Variants in DIAPH1 observed in about 807,000 individuals in gnomAD.
The protein encoded by DIAPH1 is diaphanous related formin 1.
Under a neutral mutation model 140.7 loss-of-function variants are expected in DIAPH1, and 46 were observed. The observed-to-expected ratio is 0.33, with a 90% CI of 0.26 to 0.42. The LOEUF (loss-of-function observed/expected upper bound fraction) is 0.42, where lower values mean the gene tolerates loss of function less well. Among genes scored for constraint, DIAPH1 ranks in the 10% least tolerant of loss-of-function variants. The pLI, the probability that DIAPH1 is intolerant of heterozygous loss-of-function variation, is 1.00. For missense variants in DIAPH1, 1,310 were observed against 1,558.7 expected, an observed-to-expected ratio of 0.84 and a Z score of 2.69; for synonymous variants, 565 against 551.6, an observed-to-expected ratio of 1.02 and a Z score of -0.34.
intron 11 of DIAPH1, chr5:141,577,891 A>C: frequency 2.0e-6 from 1 of 501,792 alleles, no homozygotes; most frequent in Admixed American, 3.2e-5. Flanking sequence ...AAATATTAAC[A>C]GGTAACTAAA....
intron 8 of DIAPH1, among the ~76,000 whole-genome samples, chr5:141,580,244 A>G (rs1172045987): frequency 1.3e-5 from 2 of 152,204 alleles, no homozygotes; most frequent in African/African-American, 2.4e-5. Flanking sequence ...TTAAGATACT[A>G]TCTTTTGCGG....
chr5:141,614,741 A>G (rs2099902391), intron 1 of DIAPH1, among the ~76,000 whole-genome samples: 3 of 152,188 alleles, frequency 2.0e-5, no homozygotes, highest in Admixed American at 1.3e-4. Flanking sequence ...CTGTCATCTC[A>G]AACATCTCAC....
At chr5:141,530,043 C>T (rs2099887976) in intron 19 of DIAPH1, among the ~76,000 whole-genome samples, 1 of 152,128 alleles carries the variant, frequency 6.6e-6, no homozygotes, top group African/African-American at 2.4e-5. Flanking sequence ...GTGACCGCAC[C>T]ACTGCACTCC....
chr5:141,582,734 T>C (rs977597749), intron 6 of DIAPH1, among the ~76,000 whole-genome samples: 1 of 152,174 alleles, frequency 6.6e-6, no homozygotes, highest in African/African-American at 2.4e-5. Context: ...GTCTTGGCCA[T>C]GTTATTATTT....
chr5:141,571,351 G>A (rs997303037), intron 18 of DIAPH1, 77 bp downstream of exon 18: 1 of 1,269,228 alleles, frequency 7.9e-7, no homozygotes, highest in Non-Finnish European at 1.1e-6. Flanking sequence ...TTTCTAATGA[G>A]AAATTCCTTT....
intron 18 of DIAPH1, chr5:141,560,807 A>G (rs1217311887): frequency 4.4e-6 from 2 of 456,064 alleles, no homozygotes; most frequent in Non-Finnish European, 8.8e-6. Flanking sequence ...AGCAGAACAA[A>G]GAGAACAGAT....
At chr5:141,585,484 A>C (rs1326775215) in intron 3 of DIAPH1, among the ~76,000 whole-genome samples, 2 of 152,142 alleles carry the variant, frequency 1.3e-5, no homozygotes, top group African/African-American at 4.8e-5. Context: ...TTTTTTCAAC[A>C]ATTTTTTTTT....
chr5:141,529,076 C>T lies in DIAPH1; in HGVS notation c.2778+96G>A. ...AGAGAGATTAAGACAGGTTCAAAAA[C>T]AGACAAGCGGCAAGGAGCATATGCC... is the stretch of plus-strand genomic sequence containing the variant. On this transcript the variant is annotated intron_variant, in intron 21 of 27. Transcript: ENST00000389054. 5 of 1,566,122 alleles carry T rather than the reference C, an allele frequency of 3.2e-6. No individual in the cohort carries two copies. In the Admixed American group the frequency reaches 6.7e-5, roughly 21 times the overall value.
At chr5:141,578,657 T>C (rs907566497) in intron 9 of DIAPH1, 32 bp from the exon 10 acceptor site, 2 of 1,499,162 alleles carry the variant, frequency 1.3e-6, no homozygotes, top group Non-Finnish European at 1.9e-6. Flanking sequence ...GCTATGTCAA[T>C]GCTAACTCCT....
At chr5:141,531,248 A>C (rs2099888181) in intron 19 of DIAPH1, among the ~76,000 whole-genome samples, 1 of 152,016 alleles carries the variant, frequency 6.6e-6, no homozygotes, top group African/African-American at 2.4e-5. Context: ...TAAACCTCAA[A>C]GCACCTTCTC....
chr5:141,517,949 C>A (rs988506538), intron 27 of DIAPH1, among the ~76,000 whole-genome samples: 1 of 152,230 alleles, frequency 6.6e-6, no homozygotes, highest in Non-Finnish European at 1.5e-5. Context: ...TGAGACCATG[C>A]CCATCTCATG....
intron 1 of DIAPH1, among the ~76,000 whole-genome samples, chr5:141,593,019 G>C (rs566586322): frequency 6.6e-6 from 1 of 152,164 alleles, no homozygotes; most frequent in Non-Finnish European, 1.5e-5. Flanking sequence ...GAACAAAAGA[G>C]CAACTGCAAA....
chr5:141,539,276 C>CAA (rs113967437), intron 18 of DIAPH1, among the ~76,000 whole-genome samples: 2,129 of 135,408 alleles, frequency 0.016, 51 homozygotes, highest in African/African-American at 0.042. Context: ...GACCATGTGT[C>CAA]AAAAAAAAAA....
chr5:141,560,010 A>C (rs2099893273), intron 18 of DIAPH1, among the ~76,000 whole-genome samples: 1 of 152,178 alleles, frequency 6.6e-6, no homozygotes. Context: ...TCCCATAATG[A>C]TCCGCAATTA....
chr5:141,571,510 A>G (rs753647614), intron 17 of DIAPH1, 74 bp from the exon 18 acceptor site: 4 of 1,333,954 alleles, frequency 3.0e-6, no homozygotes, highest in African/African-American at 1.5e-5. Flanking sequence ...AAGGAATCAC[A>G]TATGGTTCTT....
intron 4 of DIAPH1, 47 bp from the exon 5 acceptor site, chr5:141,583,662 T>C: frequency 6.2e-7 from 1 of 1,610,332 alleles, no homozygotes; most frequent in Non-Finnish European, 8.5e-7. Flanking sequence ...GACCCAGTCA[T>C]AAATTAAGGA....
intron 19 of DIAPH1, 96 bp from the exon 20 acceptor site, chr5:141,529,793 G>T (rs1265396565): frequency 1.8e-6 from 2 of 1,084,724 alleles, no homozygotes; most frequent in Non-Finnish European, 1.4e-6. Context: ...TCCTAACAGG[G>T]CTCTTTTAGG....
At chr5:141,592,517 CAACAAA>C (rs2099898668) in intron 1 of DIAPH1, among the ~76,000 whole-genome samples, 1 of 136,650 alleles carries the variant, frequency 7.3e-6, no homozygotes, top group Non-Finnish European at 1.6e-5. Context: ...ACAACAACAA[CAACAAA>C]AACACAGGAG....
chr5:141,547,358 G>A (rs753503539), intron 18 of DIAPH1, among the ~76,000 whole-genome samples: 6 of 152,066 alleles, frequency 3.9e-5, no homozygotes, highest in South Asian at 2.1e-4. Flanking sequence ...CCAGCTACTC[G>A]GGAGGCTGAG....
Sources: allele counts gnomAD v4.1 joint callset (sites outside exome capture counted in the v4.1 genomes callset), GRCh38; gene constraint gnomAD v4.1.1; transcripts MANE v1.5; gene names NCBI Gene and HGNC (gene_info 2026-07-23, HGNC 2026-07-21).